GJC1: variants seen among roughly 807,000 people sequenced by gnomAD.
GJC1 encodes the protein gap junction protein gamma 1, also known as gap junction gamma-1 protein.
GJC1 carries 5 observed loss-of-function variants against 29.3 expected under a neutral mutation model. The ratio of observed to expected loss-of-function variants is 0.17; its 90% CI spans 0.09 to 0.36. GJC1 has a LOEUF of 0.36. GJC1 is among the 10% of genes least tolerant of loss of function. The probability of loss-of-function intolerance (pLI) is 1.00; values close to 1 mark genes in which losing one functional copy is unlikely to be tolerated. For missense variants in GJC1, 310 were observed against 496.2 expected, an observed-to-expected ratio of 0.62 and a Z score of 3.56; for synonymous variants, 177 against 183.3, an observed-to-expected ratio of 0.97 and a Z score of 0.28.
intron 2 of GJC1, among the ~76,000 whole-genome samples, chr17:44,806,528 T>C (rs2049916043): frequency 6.6e-6 from 1 of 151,330 alleles, no homozygotes; most frequent in Non-Finnish European, 1.5e-5. Context: ...GCCTCCCGAG[T>C]ATCTGGGATT....
chr17:44,806,781 G>A (rs2049918756), intron 2 of GJC1, among the ~76,000 whole-genome samples: 1 of 151,956 alleles, frequency 6.6e-6, no homozygotes, highest in Non-Finnish European at 1.5e-5. Flanking sequence ...TAGTTATTCG[G>A]TCCAATCACA....
chr17:44,794,276 C>T (rs2049771495), downstream of GJC1: 1 of 152,276 alleles, frequency 6.6e-6, no homozygotes, highest in African/African-American at 2.4e-5. Context: ...TGGTCCCAGA[C>T]CCTGCGGATC....
intron 1 of GJC1, among the ~76,000 whole-genome samples, chr17:44,809,954 G>A (rs894194154): frequency 1.3e-4 from 19 of 151,048 alleles, no homozygotes; most frequent in African/African-American, 4.6e-4. Context: ...CGCCTCCCAG[G>A]TTCACACCAT....
upstream of GJC1, chr17:44,830,347 G>GGGCGCGCGGCACGT (rs2050220559): frequency 5.5e-6 from 1 of 180,632 alleles, no homozygotes; most frequent in Non-Finnish European, 1.1e-5. This position sits in a 1 kb window ranked among gnomAD's most constrained non-coding sequence, Gnocchi z 4.3. Flanking sequence ...CGGGAGCGGG[G>GGGCGCGCGGCACGT]GGCGCGCGGC....
upstream of GJC1, chr17:44,830,334 G>A (rs2050220240): frequency 6.2e-6 from 1 of 162,538 alleles, no homozygotes; most frequent in South Asian, 1.9e-4. This position sits in a 1 kb window ranked among gnomAD's most constrained non-coding sequence, Gnocchi z 4.3. Flanking sequence ...TCCCGCCGCG[G>A]CCCGGGAGCG....
downstream of GJC1, chr17:44,794,728 C>G (rs1231519815): frequency 6.6e-6 from 1 of 152,214 alleles, no homozygotes; most frequent in African/African-American, 2.4e-5. Flanking sequence ...CGCTTATGAA[C>G]AGCTGCTTGG....
At position 44,824,390 on chromosome 17, in the gene GJC1, C is replaced by T. The variant is rs551025308; in HGVS notation, c.-97+5672G>A. ...CACAACTCACTGTAGCCTTCAACTT[C>T]TGGGCTCAAAAAATCCTCCTGCCTC... is the stretch of plus-strand genomic sequence containing the variant. On this transcript the variant is annotated intron_variant, in intron 1 of 2. Transcript: ENST00000592524. 2.0e-5 allele frequency among the ~76,000 whole-genome samples: 3 copies of T among 152,174 alleles called. No individual in the cohort carries two copies. The East Asian group carries it at 5.8e-4, about 29-fold the overall frequency.
chr17:44,805,623 A>G lies in GJC1; in HGVS notation c.195T>C (p.Tyr65=), dbSNP rs2049905062. ...CATGGGAGAGAGGTGCAAACGCATC[A>G]TAACAGACATTCTCACAGCCCGGCT... ...TEQPGCENVC[Y]DAFAPLSHVR... Residue 65 remains tyrosine, a synonymous_variant, in exon 3 of 3, where the codon TAT becomes TAC. Transcript: ENST00000592524. The surrounding 1 kb of genome is among the most constrained non-coding windows in gnomAD (Gnocchi z 5.1). The G allele has an allele frequency of 4.3e-6, 7 of 1,614,244 alleles. No homozygotes were observed. Among genetic ancestry groups the G allele is most frequent in the Non-Finnish European group, 5.9e-6 (7 of 1,180,040 alleles).
chr17:44,815,547 A>C (rs1296210326), intron 1 of GJC1, among the ~76,000 whole-genome samples: 2 of 152,160 alleles, frequency 1.3e-5, no homozygotes, highest in East Asian at 3.8e-4. Context: ...CCTCTTCAGC[A>C]CTGTCATTAT....
rs1408887265 is a variant in GJC1 at position 44,801,070 on chromosome 17, T to C, written c.*3557A>G. ...GTGGGCGGATCACGAGGTGAGGAGTTCGAGACCAGCCTGCCAGCCTGGCCA... is the reference window on the plus strand; with the variant it reads ...GTGGGCGGATCACGAGGTGAGGAGTCCGAGACCAGCCTGCCAGCCTGGCCA... On this transcript the variant is annotated 3_prime_UTR_variant, in exon 3 of 3. Coordinates refer to ENST00000592524, the MANE Select transcript of GJC1 (RefSeq NM_005497.4). 1 of 151,780 alleles carries C rather than the reference T, an allele frequency of 6.6e-6. No homozygotes were observed. Among genetic ancestry groups the C allele is most frequent in the African/African-American group, 2.4e-5 (1 of 41,290 alleles). The allele number at this position is 151,780 out of a possible 1,614,324, so 9.4% of individuals were successfully genotyped here.
chr17:44,811,361 C>T (rs1439690026), intron 1 of GJC1, among the ~76,000 whole-genome samples: 3 of 150,150 alleles, frequency 2.0e-5, no homozygotes, highest in African/African-American at 4.9e-5. Context: ...GGATTACAGG[C>T]GTGAGCCACT....
intron 1 of GJC1, among the ~76,000 whole-genome samples, chr17:44,824,932 C>T (rs1400934674): frequency 2.3e-5 from 3 of 129,448 alleles, no homozygotes; most frequent in South Asian, 4.9e-4. Flanking sequence ...AAAAAAAAAA[C>T]GTTGGGATCC....
chr17:44,815,086 T>A (rs1302293358), intron 1 of GJC1, among the ~76,000 whole-genome samples: 1 of 152,190 alleles, frequency 6.6e-6, no homozygotes, highest in Non-Finnish European at 1.5e-5. Flanking sequence ...CTATACTCCA[T>A]CTACAAATAG....
intron 2 of GJC1, among the ~76,000 whole-genome samples, chr17:44,806,361 T>C (rs1349827897): frequency 6.6e-6 from 1 of 151,836 alleles, no homozygotes; most frequent in Non-Finnish European, 1.5e-5. Context: ...TTGTAGCTAC[T>C]ATTTACTGAG....
chr17:44,811,388 C>CT (rs573359174), intron 1 of GJC1, among the ~76,000 whole-genome samples: 8,494 of 128,074 alleles, frequency 0.066, 322 homozygotes, highest in Non-Finnish European at 0.084. Context: ...GGCCTTTTTT[C>CT]TTTTTTTTTT....
At chr17:44,810,044 T>A (rs7224779) in intron 1 of GJC1, among the ~76,000 whole-genome samples, 83,067 of 150,974 alleles carry the variant, frequency 0.55, 23,171 homozygotes, top group East Asian at 0.66. Flanking sequence ...TGTATTTTTT[T>A]GTAGAGACTG....
chr17:44,817,919 G>GA (rs1349756994), intron 1 of GJC1, among the ~76,000 whole-genome samples: 9 of 150,166 alleles, frequency 6.0e-5, no homozygotes, highest in Non-Finnish European at 1.2e-4. Context: ...AACAACAAAA[G>GA]AAAAAGCACA....
intron 1 of GJC1, among the ~76,000 whole-genome samples, chr17:44,820,704 A>G (rs943709987): frequency 6.6e-6 from 1 of 152,214 alleles, no homozygotes; most frequent in African/African-American, 2.4e-5. Flanking sequence ...GAGCTGAGCA[A>G]TCCACTAAGA....
upstream of GJC1, chr17:44,830,667 C>T (rs1597769206): frequency 2.5e-6 from 1 of 398,512 alleles, no homozygotes; most frequent in South Asian, 1.3e-4. This position sits in a 1 kb window ranked among gnomAD's most constrained non-coding sequence, Gnocchi z 4.3. Flanking sequence ...TTAGCGGGCC[C>T]AGAGTTGTCT....
Sources: allele counts gnomAD v4.1 joint callset (sites outside exome capture counted in the v4.1 genomes callset), GRCh38; gene constraint gnomAD v4.1.1; non-coding constraint Gnocchi (gnomAD v3.1); transcripts MANE v1.5; gene names NCBI Gene and HGNC (gene_info 2026-07-23, HGNC 2026-07-21).